Variants in NDEL1 observed in about 807,000 individuals in gnomAD.
The protein encoded by NDEL1 is nuclear distribution protein nudE-like 1.
A neutral mutation model predicts 45.7 loss-of-function variants in NDEL1; 9 were observed. The observed-to-expected ratio is 0.20, with a 90% CI of 0.12 to 0.34. The LOEUF is 0.34. Among genes scored for constraint, NDEL1 ranks in the 10% least tolerant of loss-of-function variants. The probability of loss-of-function intolerance (pLI) is 1.00; values close to 1 mark genes in which losing one functional copy is unlikely to be tolerated. For synonymous variants in NDEL1, 133 were observed against 158.6 expected (o/e 0.84, Z 1.21); for missense variants, 306 against 406.2 (o/e 0.75, Z 2.12).
At position 8,413,629 on chromosome 17, in the gene NDEL1, A is replaced by G. The variant is rs572347117; in HGVS notation, c.-13+360A>G. Among the ~76,000 whole-genome samples the G allele has an allele frequency of 3.3e-5, 5 of 152,308 alleles. No homozygotes were observed. The East Asian group carries it at 7.7e-4, about 23-fold the overall frequency. On this transcript the variant is annotated intron_variant, in intron 1 of 4. Transcript: ENST00000582812. ...ACAGGTTTATCTGGAGCCAACAGAG[A>G]CAGTCAGTGAGATGCACTGAAGCCA...
intron 1 of NDEL1, among the ~76,000 whole-genome samples, chr17:8,428,146 T>C (rs903955033): frequency 1.3e-5 from 2 of 152,132 alleles, no homozygotes; most frequent in Admixed American, 1.3e-4. Flanking sequence ...ATTTTCCCTT[T>C]AGAATATAAG....
chr17:8,421,529 T>C (rs1285060474), intron 1 of NDEL1, among the ~76,000 whole-genome samples: 1 of 152,152 alleles, frequency 6.6e-6, no homozygotes, highest in Non-Finnish European at 1.5e-5. Context: ...GGCAAGAAAC[T>C]GACTCTCTCC....
chr17:8,426,385 A>G (rs1187860436), intron 1 of NDEL1, among the ~76,000 whole-genome samples: 1 of 152,184 alleles, frequency 6.6e-6, no homozygotes, highest in Non-Finnish European at 1.5e-5. Context: ...TCATTAGTCT[A>G]GTTTGGGAGT....
downstream of NDEL1, among the ~76,000 whole-genome samples, chr17:8,472,227 C>CCG: frequency 6.6e-6 from 1 of 152,228 alleles, no homozygotes; most frequent in South Asian, 2.1e-4. Context: ...GCTAGAACAG[C>CCG]TTGGCCTTAC....
rs549586554 is a variant in NDEL1, at chr17:8,473,406, C to T, written c.417+13246C>T. 2.6e-5 allele frequency among the ~76,000 whole-genome samples: 4 copies of T among 152,248 alleles called. No homozygotes were observed. The East Asian group carries it at 5.8e-4, about 22-fold the overall frequency. On this transcript the variant is annotated intron_variant, in intron 3 of 3. Coordinates refer to the NDEL1 transcript ENST00000581679. ...TTCACCATGTTGGCCAGGCTGGATT[C>T]GAACTTCTGACCTCAAATGATCCAC...
intron 1 of NDEL1, among the ~76,000 whole-genome samples, chr17:8,417,766 T>G (rs977698094): frequency 2.4e-4 from 36 of 152,314 alleles, no homozygotes; most frequent in African/African-American, 8.7e-4. Context: ...CTCTCCCAAA[T>G]CCTTCTTCCC....
Position 8,467,010 on chromosome 17 carries a change from C to T in NDEL1, c.1025C>T (p.Pro342Leu), listed in dbSNP as rs1911641377. Residue 342 changes from proline to leucine, a missense_variant, in exon 9 of 9, where the codon CCT becomes CTT. Transcript: ENST00000334527. This position sits in a 1 kb window ranked among gnomAD's most constrained non-coding sequence, Gnocchi z 6.3. The part of the protein sequence containing the change: ...SRPSSAPGML[P>L]LSV ...CCATCGTCAGCGCCGGGTATGCTGC[C>T]TCTCAGTGTGTGAGTGCCTAGCCTC... is the stretch of plus-strand genomic sequence containing the variant. 2 of 1,614,030 alleles carry T rather than the reference C, an allele frequency of 1.2e-6. No individual in the cohort carries two copies. The highest frequency in any genetic ancestry group is 1.1e-5 in the South Asian group (1 of 91,086).
At chr17:8,473,070 A>G (rs80318022), downstream of NDEL1, among the ~76,000 whole-genome samples, 15 of 152,308 alleles carry the variant, frequency 9.8e-5, no homozygotes, top group East Asian at 1.9e-3. Context: ...TAGTTATTAA[A>G]TAGTATCTTT....
At chr17:8,449,093 C>T (rs1430823218) in intron 5 of NDEL1, among the ~76,000 whole-genome samples, 1 of 152,214 alleles carries the variant, frequency 6.6e-6, no homozygotes, top group African/African-American at 2.4e-5. Context: ...AACAATTCTC[C>T]TGCCTCAGCC....
At chr17:8,469,603 T>C (rs1372931838), downstream of NDEL1, among the ~76,000 whole-genome samples, 3 of 152,198 alleles carry the variant, frequency 2.0e-5, no homozygotes, top group Non-Finnish European at 4.4e-5. Flanking sequence ...GTTGGGCTTA[T>C]TTCTGATCCC....
At chr17:8,451,987 A>G (rs1183451071) in intron 6 of NDEL1, among the ~76,000 whole-genome samples, 1 of 152,244 alleles carries the variant, frequency 6.6e-6, no homozygotes, top group East Asian at 1.9e-4. Flanking sequence ...CCACATTTCA[A>G]GTGCTCAGTA....
chr17:8,463,266 A>T (rs1169357090), intron 8 of NDEL1: 1 of 1,466,216 alleles, frequency 6.8e-7, no homozygotes, highest in Non-Finnish European at 9.5e-7. Flanking sequence ...TTAGGGCGTG[A>T]TGTGGAAATA....
chr17:8,452,005 A>C (rs1240622995), intron 6 of NDEL1, among the ~76,000 whole-genome samples: 1 of 152,208 alleles, frequency 6.6e-6, no homozygotes, highest in Non-Finnish European at 1.5e-5. Context: ...GTAACCCTTG[A>C]GTAGGTAATT....
intron 4 of NDEL1, among the ~76,000 whole-genome samples, chr17:8,447,125 A>T (rs1051030861): frequency 6.6e-6 from 1 of 151,792 alleles, no homozygotes; most frequent in Non-Finnish European, 1.5e-5. Flanking sequence ...TCTTTCATAT[A>T]CTGTGGTTGA....
downstream of NDEL1, among the ~76,000 whole-genome samples, chr17:8,470,399 C>T (rs1302230757): frequency 6.6e-6 from 1 of 152,166 alleles, no homozygotes. The surrounding 1 kb of genome is among the most constrained non-coding windows in gnomAD (Gnocchi z 4.2). Flanking sequence ...ATTTCAGCCG[C>T]TCAGTCCTAT....
At chr17:8,432,064 G>A (rs1597516533), upstream of NDEL1, 1 of 151,386 alleles carries the variant, frequency 6.6e-6, no homozygotes, top group South Asian at 2.1e-4. Context: ...GTTTCACCAT[G>A]TTGGCCAGGC....
rs1432684885 is a variant in NDEL1 at position 8,467,740 on chromosome 17, C to G, written c.*717C>G. ...ACTCGGGGTGAGGGAGGCGGGCAGC[C>G]TCTCGCCAGCCTTCCCGTCCTTCAG... On this transcript the variant is annotated 3_prime_UTR_variant, in exon 9 of 9. Transcript: ENST00000334527. This position sits in a 1 kb window ranked among gnomAD's most constrained non-coding sequence, Gnocchi z 6.3. The G allele has an allele frequency of 6.5e-6, 1 of 152,816 alleles. No individual in the cohort carries two copies. The highest frequency in any genetic ancestry group is 2.4e-5 in the African/African-American group (1 of 41,474). 9.5% of individuals were successfully genotyped at this position (152,816 alleles called of 1,614,324 possible).
chr17:8,450,686 G>A, intron 5 of NDEL1, 94 bp from the exon 6 acceptor site: 1 of 1,083,986 alleles, frequency 9.2e-7, no homozygotes, highest in Admixed American at 3.1e-5. Flanking sequence ...AGTAATTTAG[G>A]AAGAAGACCT....
At position 8,448,613 on chromosome 17, in the gene NDEL1, ATT is replaced by A; in HGVS notation, c.457_458del (p.Leu153ArgfsTer3). Reference sequence around the variant, plus strand: ...TAAACCAGGCCATTGAACGAAATGCATTTTTAGAAAGTGAACTTGATGAAAAG... The same window carrying A: ...TAAACCAGGCCATTGAACGAAATGCATTTAGAAAGTGAACTTGATGAAAAG... ...RLNQAIERNA[F>X]LESELDEKES... is the part of the protein sequence containing the mutation. On this transcript the variant is annotated frameshift_variant, in exon 5 of 9. Coordinates refer to ENST00000334527, the MANE Select transcript of NDEL1 (RefSeq NM_030808.5). LOFTEE classifies it high-confidence loss of function. 1 of 1,614,222 alleles carries A rather than the reference ATT, an allele frequency of 6.2e-7. No homozygotes were observed. The highest frequency in any genetic ancestry group is 8.5e-7 in the Non-Finnish European group (1 of 1,180,024).
Sources: allele counts gnomAD v4.1 joint callset (sites outside exome capture counted in the v4.1 genomes callset), GRCh38; gene constraint gnomAD v4.1.1; non-coding constraint Gnocchi (gnomAD v3.1); transcripts MANE v1.5; gene names NCBI Gene and HGNC (gene_info 2026-07-23, HGNC 2026-07-21).